Variants in SNX29 observed in about 807,000 individuals in gnomAD.
SNX29 encodes the protein sorting nexin 29, also known as sorting nexin-29.
A neutral mutation model predicts 102.1 loss-of-function variants in SNX29; 78 were observed. That is an observed-to-expected ratio of 0.76 (90% CI 0.64 to 0.92). SNX29 has a LOEUF of 0.92. Among genes scored for constraint, SNX29 ranks in the 40% least tolerant of loss-of-function variants. The pLI is 0.00. For missense variants in SNX29, 1,280 were observed against 1,061.7 expected (o/e 1.21, Z -2.86); for synonymous variants, 580 against 414.5 (o/e 1.40, Z -4.85).
intron 16 of SNX29, among the ~76,000 whole-genome samples, chr16:12,377,397 C>T (rs1047505287): frequency 5.3e-5 from 8 of 152,154 alleles, no homozygotes; most frequent in African/African-American, 1.9e-4. Context: ...GAGACATTGG[C>T]CAAGCACATT....
chr16:12,315,840 C>T (rs897254945), intron 15 of SNX29, among the ~76,000 whole-genome samples: 3 of 152,118 alleles, frequency 2.0e-5, no homozygotes, highest in Non-Finnish European at 4.4e-5. Flanking sequence ...AGTTTGTCAC[C>T]CCTGCTCTAT....
At chr16:12,541,219 G>C (rs939875330) in intron 20 of SNX29, among the ~76,000 whole-genome samples, 12 of 152,268 alleles carry the variant, frequency 7.9e-5, no homozygotes, top group African/African-American at 2.9e-4. Context: ...TTGGTGCATG[G>C]AGAGAAGGAC....
intron 3 of SNX29, among the ~76,000 whole-genome samples, chr16:12,016,653 C>T (rs948523859): frequency 1.3e-5 from 2 of 152,146 alleles, no homozygotes; most frequent in African/African-American, 2.4e-5. Context: ...TTTGAATTTG[C>T]ATTTCCCTAA....
intron 15 of SNX29, among the ~76,000 whole-genome samples, chr16:12,313,493 G>A (rs2080631741): frequency 1.3e-5 from 2 of 152,204 alleles, no homozygotes; most frequent in African/African-American, 4.8e-5. Context: ...GGCTTGATAA[G>A]TTCCTGCCAG....
At chr16:12,181,871 G>A (rs940005892) in intron 13 of SNX29, among the ~76,000 whole-genome samples, 3 of 151,060 alleles carry the variant, frequency 2.0e-5, no homozygotes, top group African/African-American at 7.3e-5. Flanking sequence ...AATGCTGTCT[G>A]TGGGCTTCTG....
At chr16:12,166,445 A>G (rs929585350) in intron 13 of SNX29, among the ~76,000 whole-genome samples, 1 of 152,196 alleles carries the variant, frequency 6.6e-6, no homozygotes, top group African/African-American at 2.4e-5. Flanking sequence ...CCAGGTTAAC[A>G]TGGTGAAGGA....
chr16:12,564,884 T>TC (rs1292039288), intron 20 of SNX29, among the ~76,000 whole-genome samples: 1 of 148,090 alleles, frequency 6.8e-6, no homozygotes, highest in Non-Finnish European at 1.5e-5. Flanking sequence ...ACTCTGAGGA[T>TC]CCTGTGGGGA....
intron 19 of SNX29, among the ~76,000 whole-genome samples, chr16:12,512,405 TATATATATATATAG>T: frequency 1.3e-5 from 1 of 74,784 alleles, no homozygotes; most frequent in African/African-American, 7.0e-5. Flanking sequence ...TATATATATA[TATATATATATATAG>T]TTTTCGGTTT....
At chr16:12,333,423 C>G (rs1052543812) in intron 15 of SNX29, among the ~76,000 whole-genome samples, 9 of 152,088 alleles carry the variant, frequency 5.9e-5, no homozygotes, top group African/African-American at 2.2e-4. Context: ...TTAATTTTTA[C>G]AACTCTTAGG....
At position 12,571,444 on chromosome 16, in the gene SNX29, A is replaced by C; in HGVS notation, c.*2815A>C. 1 of 238,642 alleles carries C rather than the reference A, an allele frequency of 4.2e-6. No homozygotes were observed. Among genetic ancestry groups the C allele is most frequent in the Non-Finnish European group, 8.1e-6 (1 of 123,680 alleles). The allele number at this position is 238,642 out of a possible 1,614,324, so 14.8% of individuals were successfully genotyped here. On this transcript the variant is annotated 3_prime_UTR_variant, in exon 21 of 21. Coordinates refer to ENST00000566228, the MANE Select transcript of SNX29 (RefSeq NM_032167.5). The stretch of plus-strand genomic sequence containing the variant: ...TTCTAAGATTACTCGGAGATTTTCA[A>C]ACAACATCTGAGAACAGAAGCCCCC...
intron 18 of SNX29, among the ~76,000 whole-genome samples, chr16:12,427,751 C>G (rs1283004419): frequency 6.6e-6 from 1 of 152,178 alleles, no homozygotes; most frequent in South Asian, 2.1e-4. Flanking sequence ...CCTTGAACAT[C>G]AGGATTCTCT....
chr16:12,181,089 G>A lies in SNX29; in HGVS notation c.1596-18512G>A, dbSNP rs529466207. On this transcript the variant is annotated intron_variant, in intron 13 of 20. Transcript: ENST00000566228. ...TCAGTGGAGGTGGGCCTGGGTTACC[G>A]TGGATCTCCTTGCGCTCACCTGCTA... 5.3e-5 allele frequency among the ~76,000 whole-genome samples: 8 copies of A among 152,328 alleles called. No homozygotes were observed. The East Asian group carries it at 9.7e-4, about 18-fold the overall frequency.
chr16:12,438,870 C>A (rs544104604), intron 18 of SNX29, among the ~76,000 whole-genome samples: 2 of 152,120 alleles, frequency 1.3e-5, no homozygotes, highest in Non-Finnish European at 2.9e-5. Flanking sequence ...GGACAGGAGC[C>A]GGGCCTGTTG....
At chr16:12,556,533 A>T (rs1392606496) in intron 20 of SNX29, 1 of 152,314 alleles carries the variant, frequency 6.6e-6, no homozygotes, top group African/African-American at 2.4e-5. Context: ...TGACGATGGG[A>T]TTACAGCTGT....
At chr16:12,367,456 C>T (rs2082527425) in intron 16 of SNX29, 1 of 152,232 alleles carries the variant, frequency 6.6e-6, no homozygotes, top group African/African-American at 2.4e-5. Context: ...CTTGCTTCCT[C>T]TGAGATGACT....
intron 13 of SNX29, among the ~76,000 whole-genome samples, chr16:12,199,365 C>T (rs1443136237): frequency 1.3e-5 from 2 of 152,116 alleles, no homozygotes; most frequent in Non-Finnish European, 2.9e-5. Context: ...ACACTGGAAC[C>T]GATTGGTGCT....
At chr16:12,526,949 A>C (rs2076800316) in intron 20 of SNX29, 1 of 391,732 alleles carries the variant, frequency 2.6e-6, no homozygotes, top group Admixed American at 4.1e-5. Context: ...TTTGTGCCTA[A>C]TTAGCACGCA....
In SNX29 at chr16:12,043,213, T is replaced by C. The variant is rs559921968; in HGVS notation, c.428+136T>C. 2.5e-4 allele frequency: 292 copies of C among 1,150,632 alleles called. No individual in the cohort carries two copies. In the African/African-American group the frequency reaches 3.8e-3, roughly 15 times the overall value. 71.3% of individuals were successfully genotyped at this position (1,150,632 alleles called of 1,614,324 possible). On this transcript the variant is annotated intron_variant, in intron 5 of 20. Transcript: ENST00000566228. ...GGGCCTCCCTCTGACAGCTCCGGAGTGTTCTGCTGAGCTGTGGAGAAACTT... is the reference window on the plus strand; with the variant it reads ...GGGCCTCCCTCTGACAGCTCCGGAGCGTTCTGCTGAGCTGTGGAGAAACTT...
intron 15 of SNX29, among the ~76,000 whole-genome samples, chr16:12,311,667 C>T (rs956965558): frequency 1.3e-5 from 2 of 152,224 alleles, no homozygotes; most frequent in African/African-American, 4.8e-5. Flanking sequence ...GGCTTATTTC[C>T]TTCGGAAAAA....
Sources: gnomAD v4.1 joint callset for allele counts (sites outside exome capture counted in the v4.1 genomes callset) on GRCh38, gnomAD v4.1.1 for gene constraint, MANE v1.5 for transcripts, NCBI Gene and HGNC (gene_info 2026-07-23, HGNC 2026-07-21) for gene names.